SEMA3D: variants seen among roughly 807,000 people sequenced by gnomAD.
SEMA3D encodes semaphorin-3D.
A neutral mutation model predicts 100.1 loss-of-function variants in SEMA3D; 84 were observed. That is an observed-to-expected ratio of 0.84 (90% confidence interval 0.70 to 1.01). The LOEUF (loss-of-function observed/expected upper bound fraction) is 1.01, where lower values mean the gene tolerates loss of function less well. SEMA3D is among the 50% of genes least tolerant of loss of function. The pLI is 0.00. For synonymous variants in SEMA3D, 312 were observed against 320.7 expected (o/e 0.97, Z 0.29); for missense variants, 875 against 934.1 (o/e 0.94, Z 0.82).
chr7:85,140,867 T>C, intron 2 of SEMA3D: 1 of 789,122 alleles, frequency 1.3e-6, no homozygotes, highest in Non-Finnish European at 1.5e-6. Context: ...ATGGTAGGTA[T>C]ACAAAAAGAA....
the SEMA3D span, among the ~76,000 whole-genome samples, chr7:85,226,675 G>A: frequency 6.6e-6 from 1 of 151,592 alleles, no homozygotes; most frequent in African/African-American, 2.4e-5. Context: ...TGAAAAGTAA[G>A]ATGAGGATTT....
chr7:85,118,900 A>G (rs888811922), intron 3 of SEMA3D, among the ~76,000 whole-genome samples: 4 of 152,246 alleles, frequency 2.6e-5, no homozygotes, highest in South Asian at 4.1e-4. Context: ...GTTGTCTTTC[A>G]GGGTTTTTAT....
intron 14 of SEMA3D, among the ~76,000 whole-genome samples, chr7:85,018,897 A>C (rs1352977607): frequency 2.0e-5 from 3 of 151,760 alleles, no homozygotes; most frequent in Non-Finnish European, 4.4e-5. Context: ...TAAAAAGGAC[A>C]AGATGGCTTA....
At position 85,041,359 on chromosome 7, in the gene SEMA3D, C is replaced by T. The variant is rs1369235066; in HGVS notation, c.977-617G>A. 3 of 152,178 alleles carry T rather than the reference C, an allele frequency of 2.0e-5. No homozygotes were observed. In the East Asian group the frequency reaches 5.8e-4, roughly 30 times the overall value. 9.4% of individuals were successfully genotyped at this position (152,178 alleles called of 1,614,324 possible). On this transcript the variant is annotated intron_variant, in intron 10 of 18. Coordinates refer to ENST00000284136, the MANE Select transcript of SEMA3D (RefSeq NM_001384900.1). ...TTCAGGTGTGAGCCACCACACCTGA[C>T]CTCATTTACCTATTTGGTAACAATA...
At chr7:85,076,438 T>G (rs1791924554) in intron 5 of SEMA3D, among the ~76,000 whole-genome samples, 1 of 152,098 alleles carries the variant, frequency 6.6e-6, no homozygotes, top group Admixed American at 6.6e-5. Flanking sequence ...CAAAAATATA[T>G]TAGTCTATGC....
At chr7:85,158,357 G>A (rs554511421) in intron 1 of SEMA3D, among the ~76,000 whole-genome samples, 4 of 152,266 alleles carry the variant, frequency 2.6e-5, no homozygotes, top group African/African-American at 7.2e-5. Context: ...GAAAATGGCC[G>A]CTTTGGGGAC....
At chr7:85,214,637 T>C in the SEMA3D span, among the ~76,000 whole-genome samples, 1 of 151,946 alleles carries the variant, frequency 6.6e-6, no homozygotes, top group Non-Finnish European at 1.5e-5. Context: ...GCTGGGATTA[T>C]AGGCACGTGA....
At chr7:85,106,282 A>T (rs1432522206) in intron 3 of SEMA3D, among the ~76,000 whole-genome samples, 1 of 152,066 alleles carries the variant, frequency 6.6e-6, no homozygotes, top group Non-Finnish European at 1.5e-5. Context: ...GAATGTTTAA[A>T]ATTAAACGCC....
intron 11 of SEMA3D, among the ~76,000 whole-genome samples, chr7:85,039,563 C>A (rs1282911599): frequency 6.6e-6 from 1 of 152,038 alleles, no homozygotes; most frequent in Non-Finnish European, 1.5e-5. Flanking sequence ...CCCACCGATG[C>A]TAGTACAACT....
the SEMA3D span, among the ~76,000 whole-genome samples, chr7:85,246,297 T>C: frequency 6.6e-6 from 1 of 152,094 alleles, no homozygotes; most frequent in Non-Finnish European, 1.5e-5. Context: ...AGATGAGTTG[T>C]AATTTTCACA....
At chr7:85,000,117 T>A (rs1341466708) in intron 18 of SEMA3D, among the ~76,000 whole-genome samples, 1 of 152,196 alleles carries the variant, frequency 6.6e-6, no homozygotes, top group Non-Finnish European at 1.5e-5. Context: ...ACCTTTGGAA[T>A]GCAGTTATTT....
intron 1 of SEMA3D, among the ~76,000 whole-genome samples, chr7:85,157,943 C>G (rs1790644402): frequency 6.6e-6 from 1 of 152,160 alleles, no homozygotes; most frequent in Non-Finnish European, 1.5e-5. Flanking sequence ...AGTCTCTGAA[C>G]ATAAATTGTG....
intron 6 of SEMA3D, among the ~76,000 whole-genome samples, chr7:85,069,257 T>A (rs1377763842): frequency 6.6e-6 from 1 of 152,178 alleles, no homozygotes; most frequent in Non-Finnish European, 1.5e-5. Flanking sequence ...GAGAAAATTA[T>A]GTGTTATGTT....
rs562066831 is a variant in SEMA3D, at chr7:85,092,570, A to T, written c.312+5235T>A. On this transcript the variant is annotated intron_variant, in intron 4 of 18. Transcript: ENST00000284136. ...CATTATTTTATGTATAATTACACTA[A>T]GATATATATTAAATGATGCTTAAGT... Among the ~76,000 whole-genome samples, 19 of 152,216 alleles carry T rather than the reference A, an allele frequency of 1.2e-4. No individual in the cohort carries two copies. The South Asian group carries it at 3.9e-3, about 32-fold the overall frequency.
chr7:85,237,532 C>T, the SEMA3D span, among the ~76,000 whole-genome samples: 1 of 152,140 alleles, frequency 6.6e-6, no homozygotes. Flanking sequence ...TGAAATCATG[C>T]CGTATGTAGA....
chr7:85,154,279 A>C (rs1226529639), intron 1 of SEMA3D, among the ~76,000 whole-genome samples: 1 of 152,130 alleles, frequency 6.6e-6, no homozygotes, highest in Non-Finnish European at 1.5e-5. Flanking sequence ...GCTAGGACAT[A>C]CATTTGTCAA....
upstream of SEMA3D, among the ~76,000 whole-genome samples, chr7:85,190,911 C>A (rs1415332542): frequency 6.6e-6 from 1 of 151,952 alleles, no homozygotes; most frequent in African/African-American, 2.4e-5. Context: ...GAAACCAGGG[C>A]CAAGGAAGAC....
intron 9 of SEMA3D, among the ~76,000 whole-genome samples, chr7:85,048,740 AAAT>A (rs1259082438): frequency 6.6e-6 from 1 of 151,894 alleles, no homozygotes; most frequent in Non-Finnish European, 1.5e-5. Context: ...ATGAAGGCAA[AAAT>A]AATAATATGA....
In SEMA3D at chr7:85,106,359, T is replaced by C. The variant is rs946926912; in HGVS notation, c.152-8394A>G. On this transcript the variant is annotated intron_variant, in intron 3 of 18. Transcript: ENST00000284136. Reference sequence around the variant, plus strand: ...ATTTAATGTAGAAAACATCGGAAGGTCTTAACTTAATACAACATCTATTAT... The same window carrying C: ...ATTTAATGTAGAAAACATCGGAAGGCCTTAACTTAATACAACATCTATTAT... Among the ~76,000 whole-genome samples, 9 of 152,146 alleles carry C rather than the reference T, an allele frequency of 5.9e-5. No homozygotes were observed. The South Asian group carries it at 1.9e-3, about 32-fold the overall frequency.
Sources: allele counts gnomAD v4.1 joint callset (sites outside exome capture counted in the v4.1 genomes callset), GRCh38; gene constraint gnomAD v4.1.1; transcripts MANE v1.5; gene names NCBI Gene and HGNC (gene_info 2026-07-23, HGNC 2026-07-21).